CCSER1: variants seen among roughly 807,000 people sequenced by gnomAD.
CCSER1 encodes the protein serine-rich coiled-coil domain-containing protein 1.
CCSER1 carries 41 observed loss-of-function variants against 82.0 expected under a neutral mutation model. That is an observed-to-expected ratio of 0.50 (90% confidence interval 0.39 to 0.65). CCSER1 has a LOEUF of 0.65. Among genes scored for constraint, CCSER1 ranks in the 30% least tolerant of loss-of-function variants. CCSER1 has a pLI of 0.00. For synonymous variants in CCSER1, 414 were observed against 383.9 expected (o/e 1.08, Z -0.92); for missense variants, 1,119 against 1,064.2 (o/e 1.05, Z -0.72).
chr4:90,541,564 T>A (rs773913343), intron 5 of CCSER1, among the ~76,000 whole-genome samples: 3 of 152,086 alleles, frequency 2.0e-5, no homozygotes, highest in Non-Finnish European at 4.4e-5. Flanking sequence ...GAATGACACA[T>A]AGCAAACTAT....
At chr4:91,564,375 A>C (rs1165575062) in intron 10 of CCSER1, among the ~76,000 whole-genome samples, 1 of 151,950 alleles carries the variant, frequency 6.6e-6, no homozygotes, top group Non-Finnish European at 1.5e-5. Context: ...GTGTCATCAT[A>C]GTAGAATGAT....
intron 4 of CCSER1, 136 bp from the exon 5 acceptor site, chr4:90,468,098 T>G (rs1055265366): frequency 1.7e-5 from 14 of 806,300 alleles, no homozygotes; most frequent in Admixed American, 1.1e-4. Context: ...AGAAAATATT[T>G]AAGGATAATT....
In CCSER1 at chr4:91,488,802, T is replaced by A. The variant is rs1236727027; in HGVS notation, c.2218-109770T>A. Among the ~76,000 whole-genome samples, 5 of 152,286 alleles carry A rather than the reference T, an allele frequency of 3.3e-5. No homozygotes were observed. In the East Asian group the frequency reaches 9.6e-4, roughly 29 times the overall value. On this transcript the variant is annotated intron_variant, in intron 10 of 10. Transcript: ENST00000509176. ...ATTCTCAGGTAGTTCTTTATAGCAG[T>A]GCTAGAATGAACTAATATGGAGATA...
intron 10 of CCSER1, among the ~76,000 whole-genome samples, chr4:91,537,133 G>C (rs1036122021): frequency 6.6e-6 from 1 of 152,002 alleles, no homozygotes; most frequent in Non-Finnish European, 1.5e-5. Flanking sequence ...ATAGTAAAAG[G>C]CTCGAACACA....
At chr4:90,179,115 T>C (rs1299474753) in intron 1 of CCSER1, among the ~76,000 whole-genome samples, 2 of 152,198 alleles carry the variant, frequency 1.3e-5, no homozygotes, top group Admixed American at 1.3e-4. Context: ...TTGCTTTATA[T>C]TGTAAATAAA....
intron 7 of CCSER1, among the ~76,000 whole-genome samples, chr4:90,768,591 C>T (rs904222143): frequency 2.0e-5 from 3 of 152,040 alleles, no homozygotes; most frequent in African/African-American, 7.2e-5. Context: ...AGTGCCTTGA[C>T]GGAGCTATTG....
At chr4:90,225,932 T>C (rs149817972) in intron 1 of CCSER1, among the ~76,000 whole-genome samples, 1 of 152,318 alleles carries the variant, frequency 6.6e-6, no homozygotes, top group Non-Finnish European at 1.5e-5. Context: ...CTTTGACTAA[T>C]AGAATGTGGT....
intron 4 of CCSER1, among the ~76,000 whole-genome samples, chr4:90,405,574 G>A (rs760095557): frequency 1.3e-5 from 2 of 152,066 alleles, no homozygotes; most frequent in Non-Finnish European, 2.9e-5. Flanking sequence ...GTTACCTAAA[G>A]TCAAGATGAA....
intron 8 of CCSER1, among the ~76,000 whole-genome samples, chr4:90,833,868 TG>T (rs1165175402): frequency 3.9e-5 from 6 of 152,120 alleles, no homozygotes; most frequent in African/African-American, 1.2e-4. Context: ...TTACTGGGAA[TG>T]GGTTATTCAA....
intron 5 of CCSER1, among the ~76,000 whole-genome samples, chr4:90,627,776 T>G (rs1327415047): frequency 6.6e-6 from 1 of 151,990 alleles, no homozygotes; most frequent in African/African-American, 2.4e-5. Flanking sequence ...GTCAGGAGAT[T>G]GAGACCATCC....
intron 10 of CCSER1, among the ~76,000 whole-genome samples, chr4:91,398,405 T>C (rs1752117628): frequency 6.6e-6 from 1 of 151,914 alleles, no homozygotes; most frequent in African/African-American, 2.4e-5. Flanking sequence ...TTAAACAGCA[T>C]TGTTTAAATA....
chr4:90,478,286 T>G (rs968949209), intron 5 of CCSER1, among the ~76,000 whole-genome samples: 1 of 152,204 alleles, frequency 6.6e-6, no homozygotes, highest in Non-Finnish European at 1.5e-5. Context: ...TCTATAATAT[T>G]TGAACACCTC....
intron 5 of CCSER1, among the ~76,000 whole-genome samples, chr4:90,604,016 G>A (rs1056153793): frequency 1.3e-5 from 2 of 152,082 alleles, no homozygotes; most frequent in African/African-American, 4.8e-5. Context: ...ATACAGGATT[G>A]AATGTCTTGT....
intron 1 of CCSER1, among the ~76,000 whole-genome samples, chr4:90,271,844 ATATATATATATATATATATTTT>A (rs1412172042): frequency 0.027 from 594 of 22,386 alleles, 38 homozygotes; most frequent in African/African-American, 0.16. Context: ...ATATATATAT[ATATATATATATATATATATTTT>A]TTTTTTTTTT....
chr4:90,341,623 A>G (rs1010838989), intron 3 of CCSER1, among the ~76,000 whole-genome samples: 10 of 152,190 alleles, frequency 6.6e-5, no homozygotes, highest in African/African-American at 2.2e-4. Flanking sequence ...TTCTATTTAT[A>G]TTTATACTGC....
chr4:90,291,767 A>G (rs1033400301), intron 1 of CCSER1, among the ~76,000 whole-genome samples: 2 of 152,148 alleles, frequency 1.3e-5, no homozygotes, highest in South Asian at 2.1e-4. Context: ...TAATATATTT[A>G]GTAAAGTCTA....
intron 10 of CCSER1, among the ~76,000 whole-genome samples, chr4:91,534,634 G>T (rs1578721139): frequency 6.6e-6 from 1 of 151,860 alleles, no homozygotes; most frequent in East Asian, 1.9e-4. Context: ...TGCTATTGTT[G>T]CTATTATTAA....
chr4:91,265,025 A>G (rs972799171), intron 10 of CCSER1, among the ~76,000 whole-genome samples: 1 of 152,006 alleles, frequency 6.6e-6, no homozygotes, highest in Non-Finnish European at 1.5e-5. Context: ...GTGTATAAAG[A>G]ATTTTTTATA....
chr4:91,079,078 C>T (rs142849589), intron 9 of CCSER1, among the ~76,000 whole-genome samples: 1,999 of 152,168 alleles, frequency 0.013, 43 homozygotes, highest in African/African-American at 0.04. Flanking sequence ...ATACAGAGAA[C>T]GCCACAAAGA....
Sources: gnomAD v4.1 joint callset for allele counts (sites outside exome capture counted in the v4.1 genomes callset) on GRCh38, gnomAD v4.1.1 for gene constraint, MANE v1.5 for transcripts, NCBI Gene and HGNC (gene_info 2026-07-23, HGNC 2026-07-21) for gene names.